C9orf85: variants seen among roughly 807,000 people sequenced by gnomAD.
The protein encoded by C9orf85 is chromosome 9 open reading frame 85.
A neutral mutation model predicts 14.9 loss-of-function variants in C9orf85; 16 were observed. The observed-to-expected ratio is 1.08, with a 90% CI of 0.73 to 1.63. C9orf85 has a LOEUF of 1.63. Among genes scored for constraint, C9orf85 ranks in the 40% most tolerant of loss-of-function variants. C9orf85 has a pLI of 0.00. For missense variants in C9orf85, 172 were observed against 186.1 expected (o/e 0.92, Z 0.44); for synonymous variants, 45 against 56.8 (o/e 0.79, Z 0.93).
At chr9:71,943,381 T>C (rs1821991906) in intron 1 of C9orf85, among the ~76,000 whole-genome samples, 1 of 152,192 alleles carries the variant, frequency 6.6e-6, no homozygotes, top group Non-Finnish European at 1.5e-5. Flanking sequence ...TTGAATGGTA[T>C]TCAAATTTCT....
chr9:71,940,530 G>A (rs532206120), intron 1 of C9orf85, among the ~76,000 whole-genome samples: 42 of 152,210 alleles, frequency 2.8e-4, no homozygotes, highest in Middle Eastern at 3.4e-3. Flanking sequence ...AATTGAAATC[G>A]TAATGAAATA....
At chr9:71,922,029 C>T (rs1827822729) in intron 1 of C9orf85, among the ~76,000 whole-genome samples, 1 of 151,948 alleles carries the variant, frequency 6.6e-6, no homozygotes, top group Non-Finnish European at 1.5e-5. Flanking sequence ...CAACCTCTGC[C>T]TCCCGTGTTC....
chr9:71,911,869 C>A (rs1217355358), intron 1 of C9orf85, 33 bp downstream of exon 1: 2 of 1,587,086 alleles, frequency 1.3e-6, no homozygotes, highest in Admixed American at 1.7e-5. Context: ...GTCTTTGACT[C>A]CAGGAAGGAA....
chr9:71,941,016 A>G (rs985485142), intron 1 of C9orf85, among the ~76,000 whole-genome samples: 1 of 152,232 alleles, frequency 6.6e-6, no homozygotes, highest in Non-Finnish European at 1.5e-5. Flanking sequence ...ACCAAGGGGA[A>G]TTAGAGAACT....
At chr9:71,915,315 G>A (rs1429417777) in intron 1 of C9orf85, among the ~76,000 whole-genome samples, 1 of 151,838 alleles carries the variant, frequency 6.6e-6, no homozygotes, top group East Asian at 1.9e-4. Flanking sequence ...CAAGTAGCTG[G>A]GATTTCAGGG....
At chr9:71,921,332 C>G (rs1827798701) in intron 1 of C9orf85, among the ~76,000 whole-genome samples, 1 of 152,322 alleles carries the variant, frequency 6.6e-6, no homozygotes, top group East Asian at 1.9e-4. Flanking sequence ...GAGGCTTCAT[C>G]TACATGACAA....
intron 2 of C9orf85, among the ~76,000 whole-genome samples, chr9:71,966,280 C>T (rs1822688358): frequency 6.6e-6 from 1 of 152,160 alleles, no homozygotes; most frequent in Non-Finnish European, 1.5e-5. Flanking sequence ...TCATTCATTG[C>T]TCAATTAAAC....
At chr9:71,928,232 A>C (rs1827978436) in intron 1 of C9orf85, among the ~76,000 whole-genome samples, 1 of 149,732 alleles carries the variant, frequency 6.7e-6, no homozygotes, top group African/African-American at 2.5e-5. Flanking sequence ...GGCTTATGTG[A>C]ATATCTGCAC....
At chr9:71,947,221 G>A (rs1463775141) in intron 2 of C9orf85, 109 bp downstream of exon 2, 3 of 716,304 alleles carry the variant, frequency 4.2e-6, no homozygotes, top group Non-Finnish European at 4.4e-6. Context: ...AGTAAATGAT[G>A]AAAAAATTCC....
At chr9:71,968,511 G>A (rs1324661118) in intron 2 of C9orf85, among the ~76,000 whole-genome samples, 1 of 151,754 alleles carries the variant, frequency 6.6e-6, no homozygotes, top group East Asian at 1.9e-4. Flanking sequence ...CTTCTTCAGT[G>A]AGTTTTGATA....
Position 71,923,304 on chromosome 9 carries a change from G to C in C9orf85, c.102+11468G>C, listed in dbSNP as rs544802734. Reference sequence around the variant, plus strand: ...TTTTTTGAGACAAGAGTCTCTCCCTGTTGCCAGACTGGAGTACAATGGCAT... The same window carrying C: ...TTTTTTGAGACAAGAGTCTCTCCCTCTTGCCAGACTGGAGTACAATGGCAT... On this transcript the variant is annotated intron_variant, in intron 1 of 3. Transcript: ENST00000334731. Among the ~76,000 whole-genome samples the C allele has an allele frequency of 1.2e-4, 19 of 152,076 alleles. 1 individual carries two copies. Among genetic ancestry groups the C allele is most frequent in the Middle Eastern group, 3.4e-3 (1 of 294 alleles).
chr9:71,974,512 G>T (rs531025611), downstream of C9orf85, among the ~76,000 whole-genome samples: 1 of 152,286 alleles, frequency 6.6e-6, no homozygotes, highest in South Asian at 2.1e-4. Flanking sequence ...CGAAATGCTG[G>T]AATTACAGAC....
intron 2 of C9orf85, among the ~76,000 whole-genome samples, chr9:71,967,609 C>T (rs1822727681): frequency 2.0e-5 from 3 of 151,290 alleles, no homozygotes; most frequent in Non-Finnish European, 2.9e-5. Flanking sequence ...TGTTTATGTC[C>T]AGTTCATTTT....
chr9:71,982,376 G>A (rs1359850508), intron 3 of C9orf85, among the ~76,000 whole-genome samples: 2 of 152,038 alleles, frequency 1.3e-5, no homozygotes, highest in Non-Finnish European at 2.9e-5. Context: ...GTGGACATAT[G>A]TTTTCATTTT....
At chr9:71,969,629 T>G (rs968278067) in intron 2 of C9orf85, among the ~76,000 whole-genome samples, 2 of 152,224 alleles carry the variant, frequency 1.3e-5, no homozygotes, top group Non-Finnish European at 2.9e-5. Flanking sequence ...TTTGTTTGCT[T>G]TGAGTTTAAT....
intron 1 of C9orf85, among the ~76,000 whole-genome samples, chr9:71,936,268 T>C (rs905465048): frequency 3.3e-5 from 5 of 152,074 alleles, no homozygotes; most frequent in African/African-American, 1.2e-4. Flanking sequence ...TAGTTTTGGA[T>C]GTAATCTTCG....
chr9:71,951,646 C>T (rs1004900279), intron 2 of C9orf85, among the ~76,000 whole-genome samples: 11 of 152,064 alleles, frequency 7.2e-5, no homozygotes, highest in Non-Finnish European at 1.6e-4. Flanking sequence ...TAAGATTATT[C>T]ATATATATAA....
At chr9:71,918,632 C>T (rs1282012188) in intron 1 of C9orf85, 2 of 339,174 alleles carry the variant, frequency 5.9e-6, no homozygotes, top group Non-Finnish European at 5.9e-6. Flanking sequence ...TGCCTCCTGT[C>T]AGATCAGCTC....
downstream of C9orf85, chr9:71,984,874 A>G (rs529715321): frequency 1.0e-4 from 16 of 152,392 alleles, no homozygotes; most frequent in African/African-American, 3.8e-4. Flanking sequence ...GTGTCTCCTG[A>G]CTGGGTGACT....
Sources: allele counts gnomAD v4.1 joint callset (sites outside exome capture counted in the v4.1 genomes callset), GRCh38; gene constraint gnomAD v4.1.1; transcripts MANE v1.5; gene names NCBI Gene and HGNC (gene_info 2026-07-23, HGNC 2026-07-21).